Variants in PRCP observed in about 807,000 individuals in gnomAD.
PRCP encodes the protein lysosomal Pro-X carboxypeptidase.
A neutral mutation model predicts 54.2 loss-of-function variants in PRCP; 46 were observed. The ratio of observed to expected loss-of-function variants is 0.85; its 90% CI spans 0.67 to 1.09. The LOEUF (loss-of-function observed/expected upper bound fraction) is 1.09, where lower values mean the gene tolerates loss of function less well. Ranked by LOEUF, PRCP falls within the 50% of genes least tolerant of loss-of-function variation. PRCP has a pLI of 0.00. For synonymous variants in PRCP, 240 were observed against 212.2 expected (o/e 1.13, Z -1.14); for missense variants, 613 against 596.8 (o/e 1.03, Z -0.28).
chr11:82,890,624 TCA>T, intron 1 of PRCP, among the ~76,000 whole-genome samples: 1 of 152,318 alleles, frequency 6.6e-6, no homozygotes, highest in Non-Finnish European at 1.5e-5. Context: ...CTGCTCCCCT[TCA>T]CAGCAAAATT....
intron 1 of PRCP, among the ~76,000 whole-genome samples, chr11:82,881,859 A>T (rs1859756164): frequency 1.3e-5 from 2 of 152,170 alleles, no homozygotes; most frequent in Admixed American, 1.3e-4. Flanking sequence ...CACAACCCAC[A>T]AATGGTCAAA....
rs186825006 is a variant in PRCP, at chr11:82,885,600, C to G, written c.168+14635G>C. ...GTTAAAAATAAGACCAGTCTCCAGG[C>G]TTTTAAAGAAAACAAAATACTTAGG... On this transcript the variant is annotated intron_variant, in intron 1 of 8. Coordinates refer to ENST00000313010, the MANE Select transcript of PRCP (RefSeq NM_005040.4). Among the ~76,000 whole-genome samples the G allele has an allele frequency of 7.5e-4, 114 of 152,228 alleles. 1 individual carries two copies. Among genetic ancestry groups the G allele is most frequent in the African/African-American group, 2.6e-3 (107 of 41,550 alleles).
rs377398794 is a variant in PRCP at position 82,839,399 on chromosome 11, G to C, written c.948C>G (p.Pro316=). 1.9e-6 allele frequency: 3 copies of C among 1,612,872 alleles called. No individual in the cohort carries two copies. The highest frequency in any genetic ancestry group is 2.2e-5 in the East Asian group (1 of 44,862). The change falls in exon 7 of 9, where the codon CCC becomes CCG. Residue 316 remains proline (P), a synonymous_variant. Transcript: ENST00000313010. ...GCAGCAGCAGTGAATCAGATACATTGGGATTTTTCAAATACTGGCACACTA... is the reference window on the plus strand; with the variant it reads ...GCAGCAGCAGTGAATCAGATACATTCGGATTTTTCAAATACTGGCACACTA... The part of the protein sequence containing the change: ...IKVVCQYLKN[P]NVSDSLLLQN...
At chr11:82,870,233 C>T (rs1199090256) in intron 1 of PRCP, among the ~76,000 whole-genome samples, 5 of 152,238 alleles carry the variant, frequency 3.3e-5, no homozygotes, top group Admixed American at 6.5e-5. Context: ...GGTGAATCCA[C>T]ATGTGCTGCA....
chr11:82,898,626 T>C (rs1860174299), intron 1 of PRCP, among the ~76,000 whole-genome samples: 1 of 152,210 alleles, frequency 6.6e-6, no homozygotes, highest in African/African-American at 2.4e-5. Context: ...CTTCATCCAC[T>C]TTCCCTCTGA....
intron 6 of PRCP, among the ~76,000 whole-genome samples, chr11:82,841,995 C>G (rs1024975629): frequency 6.6e-6 from 1 of 152,104 alleles, no homozygotes; most frequent in African/African-American, 2.4e-5. Context: ...TGCAGAGAAG[C>G]GCCTTATGTT....
At chr11:82,850,605 C>A in intron 3 of PRCP, 100 bp from the exon 4 acceptor site, 1 of 984,760 alleles carries the variant, frequency 1.0e-6, no homozygotes, top group South Asian at 3.5e-5. Flanking sequence ...ATAAGCTTTT[C>A]TCTAAATAGA....
intron 1 of PRCP, among the ~76,000 whole-genome samples, chr11:82,884,433 C>T (rs1208574123): frequency 6.6e-6 from 1 of 152,066 alleles, no homozygotes; most frequent in Non-Finnish European, 1.5e-5. Flanking sequence ...ATGGTCATAC[C>T]TGTAGTCAAG....
chr11:82,886,030 C>T (rs1332233997), intron 1 of PRCP, among the ~76,000 whole-genome samples: 1 of 152,104 alleles, frequency 6.6e-6, no homozygotes, highest in Non-Finnish European at 1.5e-5. Flanking sequence ...CAAAATAACT[C>T]ATAGAGTTAT....
intron 6 of PRCP, among the ~76,000 whole-genome samples, chr11:82,844,720 G>A (rs1372140109): frequency 4.0e-5 from 5 of 125,916 alleles, no homozygotes; most frequent in East Asian, 2.2e-4. Context: ...GAGACAGAGC[G>A]AGGCTCCGTC....
chr11:82,864,549 A>G (rs1371142887), intron 1 of PRCP, among the ~76,000 whole-genome samples: 1 of 152,236 alleles, frequency 6.6e-6, no homozygotes, highest in Non-Finnish European at 1.5e-5. Context: ...TGACTTAGCC[A>G]TGGTCACAAG....
chr11:82,860,185 T>C, intron 1 of PRCP, 68 bp from the exon 2 acceptor site: 1 of 1,124,896 alleles, frequency 8.9e-7, no homozygotes, highest in East Asian at 3.0e-5. Flanking sequence ...ATAAAGGTAA[T>C]TAATTCTTCC....
chr11:82,881,285 C>T lies in PRCP; in HGVS notation c.168+18950G>A, dbSNP rs539394312. On this transcript the variant is annotated intron_variant, in intron 1 of 8. Coordinates refer to ENST00000313010, the MANE Select transcript of PRCP (RefSeq NM_005040.4). ...CTAAGTGACCTGAACCATTATGCCC[C>T]GGTGAGTGTATTAATTCTCACTTAA... is the stretch of plus-strand genomic sequence containing the variant. Among the ~76,000 whole-genome samples, 40 of 152,306 alleles carry T rather than the reference C, an allele frequency of 2.6e-4. 1 individual carries two copies. In the South Asian group the frequency reaches 7.3e-3, roughly 28 times the overall value.
chr11:82,841,037 A>G (rs1473054680), intron 6 of PRCP, among the ~76,000 whole-genome samples: 3 of 77,706 alleles, frequency 3.9e-5, no homozygotes, highest in African/African-American at 1.2e-4. Flanking sequence ...TTTCATACGG[A>G]AAAGATTATA....
intron 8 of PRCP, among the ~76,000 whole-genome samples, chr11:82,834,936 G>A (rs188026642): frequency 3.9e-5 from 6 of 152,266 alleles, no homozygotes; most frequent in Admixed American, 2.0e-4. Context: ...TTAGCCAGGT[G>A]AGCTGTAGTC....
At chr11:82,887,525 C>T (rs1859890861) in intron 1 of PRCP, among the ~76,000 whole-genome samples, 1 of 152,172 alleles carries the variant, frequency 6.6e-6, no homozygotes, top group Admixed American at 6.5e-5. Flanking sequence ...GATACTATGT[C>T]AACTATCATA....
chr11:82,856,093 TC>T, intron 2 of PRCP, among the ~76,000 whole-genome samples: 2 of 152,212 alleles, frequency 1.3e-5, no homozygotes, highest in Middle Eastern at 3.4e-3. Context: ...ATTACTTGAG[TC>T]CAGGAGTTTG....
At chr11:82,899,997 G>GA (rs1300064833) in intron 1 of PRCP, 2 of 525,944 alleles carry the variant, frequency 3.8e-6, no homozygotes, top group East Asian at 7.1e-5. Flanking sequence ...TCCAATTACA[G>GA]AAAAGCCTGA....
chr11:82,849,929 G>C lies in PRCP; in HGVS notation c.736C>G (p.Arg246Gly). 6.6e-7 allele frequency: 1 copy of C among 1,509,334 alleles called. No individual in the cohort carries two copies. The highest frequency in any genetic ancestry group is 8.9e-7 in the Non-Finnish European group (1 of 1,129,726). 93.5% of individuals were successfully genotyped at this position (1,509,334 alleles called of 1,614,324 possible). ...SIHRSWDAINRLSNTGSGLQW... is the reference protein window; with the variant it reads ...SIHRSWDAINGLSNTGSGLQW... ...TAAAGCTTACCAGTATTTGAGAGTC[G>C]ATTAATGGCATCCCAGGACCTGTGG... The change falls in exon 5 of 9, where the codon CGA becomes GGA. Residue 246 changes from arginine (R) to glycine (G), a missense_variant. By Grantham distance (125) the Arg-to-Gly change is moderately radical. Transcript: ENST00000313010.
Sources: allele counts gnomAD v4.1 joint callset (sites outside exome capture counted in the v4.1 genomes callset), GRCh38; gene constraint gnomAD v4.1.1; transcripts MANE v1.5; gene names NCBI Gene and HGNC (gene_info 2026-07-23, HGNC 2026-07-21).